Variants in MARK3 observed in about 807,000 individuals in gnomAD.
MARK3 encodes microtubule affinity regulating kinase 3.
MARK3 carries 46 observed loss-of-function variants against 90.1 expected under a neutral mutation model. That is an observed-to-expected ratio of 0.51 (90% CI 0.40 to 0.65). MARK3 has a LOEUF of 0.65. Ranked by LOEUF, MARK3 falls within the 30% of genes least tolerant of loss-of-function variation. MARK3 has a pLI of 0.00. For synonymous variants in MARK3, 321 were observed against 332.6 expected (o/e 0.97, Z 0.38); for missense variants, 818 against 947.2 (o/e 0.86, Z 1.79).
Position 103,480,398 on chromosome 14 carries a change from AT to A in MARK3, c.1495del (p.Ser499LeufsTer4). The A allele has an allele frequency of 6.2e-7, 1 of 1,610,232 alleles. No homozygotes were observed. Among genetic ancestry groups the A allele is most frequent in the Non-Finnish European group, 8.5e-7 (1 of 1,176,664 alleles). ...GCCCTTTTTTATAGAGTAACACAGC[AT>A]CTGGTGGAATGACACGACGAAATAC... ...SSTVPSSNTA[S>X]GGMTRRNTYV... On this transcript the variant is annotated frameshift_variant, in exon 14 of 18. Coordinates refer to ENST00000429436, the MANE Select transcript of MARK3 (RefSeq NM_001128918.3). LOFTEE classifies it high-confidence loss of function.
intron 1 of MARK3, among the ~76,000 whole-genome samples, chr14:103,400,109 A>G (rs1030616658): frequency 3.9e-5 from 6 of 152,072 alleles, no homozygotes; most frequent in Non-Finnish European, 8.8e-5. Flanking sequence ...TTGTACTTTT[A>G]GTAGAGATGG....
intron 3 of MARK3, among the ~76,000 whole-genome samples, chr14:103,431,208 C>T (rs2092571699): frequency 6.6e-6 from 1 of 152,178 alleles, no homozygotes; most frequent in African/African-American, 2.4e-5. Flanking sequence ...TCTTCTCCCT[C>T]AGCCTCCCAA....
intron 7 of MARK3, among the ~76,000 whole-genome samples, chr14:103,463,652 C>T (rs1335096566): frequency 6.6e-6 from 1 of 152,182 alleles, no homozygotes; most frequent in African/African-American, 2.4e-5. Context: ...GGCCAGACCA[C>T]CATTATCTCA....
At chr14:103,479,238 A>T (rs2093774239) in intron 13 of MARK3, among the ~76,000 whole-genome samples, 2 of 152,004 alleles carry the variant, frequency 1.3e-5, no homozygotes, top group African/African-American at 4.8e-5. Flanking sequence ...TATGTAGCCC[A>T]GCCAGGCTGG....
At chr14:103,410,882 G>A (rs1259210210) in intron 2 of MARK3, among the ~76,000 whole-genome samples, 1 of 152,000 alleles carries the variant, frequency 6.6e-6, no homozygotes, top group African/African-American at 2.4e-5. Context: ...TCTTGTTTTA[G>A]GGAAGTTTTT....
intron 2 of MARK3, among the ~76,000 whole-genome samples, chr14:103,424,614 T>G (rs994104032): frequency 1.3e-5 from 2 of 151,444 alleles, no homozygotes; most frequent in Non-Finnish European, 2.9e-5. Context: ...AGTCCAGGTG[T>G]GAAAATAGAA....
chr14:103,457,901 T>C (rs919582907), intron 6 of MARK3, among the ~76,000 whole-genome samples: 5 of 152,232 alleles, frequency 3.3e-5, no homozygotes, highest in African/African-American at 1.2e-4. Flanking sequence ...TTTCTTTTTT[T>C]CTTTTTCCCC....
rs772340575 is a variant in MARK3, at chr14:103,405,275, C to A, written c.243+8C>A. On this transcript the variant is annotated splice_region_variant and intron_variant, in intron 2 of 17. Coordinates refer to ENST00000429436, the MANE Select transcript of MARK3 (RefSeq NM_001128918.3). ...ATCCTTACAGGCAGAGAGGTAAATACCAGTTATGCTTATTTCTGTTATGAC... is the reference window on the plus strand; with the variant it reads ...ATCCTTACAGGCAGAGAGGTAAATAACAGTTATGCTTATTTCTGTTATGAC... 1.3e-6 allele frequency: 2 copies of A among 1,507,260 alleles called. No individual in the cohort carries two copies. The highest frequency in any genetic ancestry group is 2.4e-5 in the East Asian group (1 of 41,862). The allele number at this position is 1,507,260 out of a possible 1,614,324, so 93.4% of individuals were successfully genotyped here.
chr14:103,398,922 T>C (rs901808785), intron 1 of MARK3, among the ~76,000 whole-genome samples: 5 of 152,222 alleles, frequency 3.3e-5, no homozygotes, highest in Admixed American at 2.0e-4. Flanking sequence ...ATAGAATGCA[T>C]GTAAGGGCAC....
At chr14:103,434,349 A>G (rs891223912) in intron 3 of MARK3, among the ~76,000 whole-genome samples, 24 of 152,242 alleles carry the variant, frequency 1.6e-4, no homozygotes, top group African/African-American at 4.1e-4. Context: ...GCATCCCAGC[A>G]TTCCGTGACC....
chr14:103,451,174 C>T (rs1341642378), intron 4 of MARK3, among the ~76,000 whole-genome samples: 1 of 151,720 alleles, frequency 6.6e-6, no homozygotes, highest in Non-Finnish European at 1.5e-5. Context: ...CAGAAACGAT[C>T]CACCCGCCTC....
At chr14:103,397,550 C>T (rs1054551800) in intron 1 of MARK3, among the ~76,000 whole-genome samples, 7 of 152,084 alleles carry the variant, frequency 4.6e-5, no homozygotes, top group Non-Finnish European at 8.8e-5. Flanking sequence ...TGGTCTCGAA[C>T]TCCTGACCTT....
intron 14 of MARK3, among the ~76,000 whole-genome samples, chr14:103,486,255 A>G (rs2093927674): frequency 6.6e-6 from 1 of 152,158 alleles, no homozygotes; most frequent in Non-Finnish European, 1.5e-5. Flanking sequence ...CCTGGCCAAC[A>G]TGGTGAAACC....
At chr14:103,412,218 C>T (rs1488588584) in intron 2 of MARK3, 5 of 901,610 alleles carry the variant, frequency 5.5e-6, no homozygotes, top group African/African-American at 1.7e-5. Flanking sequence ...AAGTTAACAG[C>T]CAGGTGAATG....
At position 103,503,242 on chromosome 14, in the gene MARK3, T is replaced by A; in HGVS notation, c.*15T>A. 1 of 1,585,106 alleles carries A rather than the reference T, an allele frequency of 6.3e-7. No homozygotes were observed. Among genetic ancestry groups the A allele is most frequent in the Non-Finnish European group, 8.6e-7 (1 of 1,159,190 alleles). On this transcript the variant is annotated 3_prime_UTR_variant, in exon 18 of 18. Coordinates refer to ENST00000429436, the MANE Select transcript of MARK3 (RefSeq NM_001128918.3). ...TAAAGCTGTAACCCAGTGATTATGA[T>A]GTAAATTAAGTAGCAATTAAAGTGT...
chr14:103,388,370 G>A (rs889647045), intron 1 of MARK3, among the ~76,000 whole-genome samples: 2 of 152,214 alleles, frequency 1.3e-5, no homozygotes, highest in Admixed American at 6.5e-5. Context: ...AGCTTTCACA[G>A]TGTGGAGCCC....
chr14:103,457,690 C>G (rs1045176178), intron 6 of MARK3, among the ~76,000 whole-genome samples: 1 of 152,150 alleles, frequency 6.6e-6, no homozygotes, highest in African/African-American at 2.4e-5. Flanking sequence ...AGGTTTTAAG[C>G]AAACAGGTTA....
At chr14:103,459,237 T>TA (rs1233911777) in intron 6 of MARK3, among the ~76,000 whole-genome samples, 1 of 152,244 alleles carries the variant, frequency 6.6e-6, no homozygotes, top group Non-Finnish European at 1.5e-5. Flanking sequence ...AGCAAGAGCT[T>TA]ACTAACCTAA....
intron 4 of MARK3, among the ~76,000 whole-genome samples, chr14:103,450,577 T>A (rs566348568): frequency 1.3e-5 from 2 of 152,308 alleles, no homozygotes; most frequent in South Asian, 4.1e-4. Context: ...TCATGCAGCT[T>A]ACCAACACAT....
Sources: allele counts gnomAD v4.1 joint callset (sites outside exome capture counted in the v4.1 genomes callset), GRCh38; gene constraint gnomAD v4.1.1; transcripts MANE v1.5; gene names NCBI Gene and HGNC (gene_info 2026-07-23, HGNC 2026-07-21).